SEPHS1: variants seen among roughly 807,000 people sequenced by gnomAD.
SEPHS1 encodes the protein selenophosphate synthetase 1.
SEPHS1 carries 7 observed loss-of-function variants against 39.2 expected under a neutral mutation model. The ratio of observed to expected loss-of-function variants is 0.18; its 90% confidence interval spans 0.10 to 0.34. The LOEUF is 0.34. Among genes scored for constraint, SEPHS1 ranks in the 10% least tolerant of loss-of-function variants. The probability of loss-of-function intolerance (pLI) is 1.00; values close to 1 mark genes in which losing one functional copy is unlikely to be tolerated. For missense variants in SEPHS1, 253 were observed against 514.5 expected (o/e 0.49, Z 4.92); for synonymous variants, 190 against 195.5 (o/e 0.97, Z 0.23).
In SEPHS1 at chr10:13,344,896, G is replaced by A. The variant is rs1327907950; in HGVS notation, c.55C>T (p.Arg19Trp). 1 of 1,602,486 alleles carries A rather than the reference G, an allele frequency of 6.2e-7. No individual in the cohort carries two copies. The highest frequency in any genetic ancestry group is 1.7e-5 in the Admixed American group (1 of 58,568). ...PESYELDKSFRLTRFTELKGT... is the reference protein window; with the variant it reads ...PESYELDKSFWLTRFTELKGT... ...TTCAGTTCAGTGAATCTGGTTAGCC[G>A]GAAGCTTTTGTCCAATTCGTAACTT... The change falls in exon 2 of 9, where the codon CGG becomes TGG. Residue 19 changes from arginine (R) to tryptophan (W), a missense_variant. Arg to Trp is a moderately radical substitution (Grantham distance 101). Transcript: ENST00000327347.
rs931484629 is a variant in SEPHS1 at position 13,317,725 on chromosome 10, G to A, written c.*1417C>T. 3 of 152,172 alleles carry A rather than the reference G, an allele frequency of 2.0e-5. No homozygotes were observed. The highest frequency in any genetic ancestry group is 2.0e-4 in the Admixed American group (3 of 15,264). The allele number at this position is 152,172 out of a possible 1,614,324, so 9.4% of individuals were successfully genotyped here. A position where few individuals can be genotyped will look rare whatever the true frequency, so the allele number is the denominator to read the frequency against. ...AAGTCAGTTTACATGTGCAGCTTTG[G>A]TGCCTGTGAGCAGAAAGCACCAGAA... On this transcript the variant is annotated 3_prime_UTR_variant, in exon 9 of 9. Coordinates refer to ENST00000327347, the MANE Select transcript of SEPHS1 (RefSeq NM_012247.5).
chr10:13,331,689 C>A (rs1166991995), intron 5 of SEPHS1, among the ~76,000 whole-genome samples: 1 of 152,160 alleles, frequency 6.6e-6, no homozygotes, highest in Non-Finnish European at 1.5e-5. Context: ...GGCCAAAAGA[C>A]TGACTTTTCT....
intron 1 of SEPHS1, among the ~76,000 whole-genome samples, chr10:13,345,977 C>T (rs1423245100): frequency 6.6e-6 from 1 of 152,256 alleles, no homozygotes; most frequent in Non-Finnish European, 1.5e-5. Flanking sequence ...ACAGTAAGGT[C>T]TGTGTTCTTC....
chr10:13,328,271 GA>G, intron 7 of SEPHS1, 79 bp downstream of exon 7: 4 of 978,598 alleles, frequency 4.1e-6, no homozygotes, highest in Non-Finnish European at 6.4e-6. Context: ...CCTACCCTGA[GA>G]CAGTATGTGG....
intron 8 of SEPHS1, among the ~76,000 whole-genome samples, 155 bp from the exon 9 acceptor site, chr10:13,319,511 C>T (rs1833039113): frequency 6.6e-6 from 1 of 152,126 alleles, no homozygotes; most frequent in Admixed American, 6.6e-5. Context: ...TTTTTTGAGA[C>T]AGGGTCTCAC....
intron 8 of SEPHS1, 88 bp from the exon 9 acceptor site, chr10:13,319,444 T>C (rs1342833722): frequency 1.5e-6 from 2 of 1,377,040 alleles, no homozygotes; most frequent in African/African-American, 2.9e-5. Flanking sequence ...CCAACTTCCA[T>C]CAACAACTTG....
rs1312818818 is a variant in SEPHS1 at position 13,333,829 on chromosome 10, T to C, written c.548A>G (p.Asn183Ser). 1.2e-5 allele frequency: 20 copies of C among 1,613,000 alleles called. No homozygotes were observed. The highest frequency in any genetic ancestry group is 4.0e-5 in the African/African-American group (3 of 74,834). ...AAAATCAACTTACATGATAAATTCATTGGGTTGGCAGACAGTGGTAGCCAC... is the reference window on the plus strand; with the variant it reads ...AAAATCAACTTACATGATAAATTCACTGGGTTGGCAGACAGTGGTAGCCAC... Reference protein sequence around the residue: ...GGVATTVCQPNEFIMPDNAVP... With the variant: ...GGVATTVCQPSEFIMPDNAVP... The change falls in exon 5 of 9, where the codon AAT (asparagine) becomes AGT (serine). Residue 183 changes from asparagine to serine, a missense_variant. Coordinates refer to ENST00000327347, the MANE Select transcript of SEPHS1 (RefSeq NM_012247.5).
chr10:13,322,743 T>TG, intron 8 of SEPHS1, 92 bp downstream of exon 8: 1 of 1,203,820 alleles, frequency 8.3e-7, no homozygotes, highest in Non-Finnish European at 1.2e-6. Context: ...TCGAACAGAG[T>TG]GGGGGCCCAC....
chr10:13,330,353 G>T (rs1009170108), intron 5 of SEPHS1, among the ~76,000 whole-genome samples: 2 of 152,152 alleles, frequency 1.3e-5, no homozygotes, highest in South Asian at 4.1e-4. Flanking sequence ...TAATGTCTTG[G>T]TGATTTCTGC....
intron 7 of SEPHS1, among the ~76,000 whole-genome samples, chr10:13,326,037 A>C (rs959314198): frequency 1.3e-5 from 2 of 152,030 alleles, no homozygotes; most frequent in East Asian, 1.9e-4. Context: ...AAAACACACT[A>C]AACATTCATT....
At chr10:13,346,824 T>C (rs548668963) in intron 1 of SEPHS1, among the ~76,000 whole-genome samples, 1 of 152,304 alleles carries the variant, frequency 6.6e-6, no homozygotes, top group African/African-American at 2.4e-5. Context: ...AGGGGAATTG[T>C]GTGGCTATCA....
At position 13,318,958 on chromosome 10, in the gene SEPHS1, G is replaced by A. The variant is rs1356347817; in HGVS notation, c.*184C>T. 6.7e-6 allele frequency: 4 copies of A among 599,156 alleles called. No individual in the cohort carries two copies. In the African/African-American group the frequency reaches 7.6e-5, roughly 11 times the overall value. 37.1% of individuals were successfully genotyped at this position (599,156 alleles called of 1,614,324 possible). A position where few individuals can be genotyped will look rare whatever the true frequency, so the allele number is the denominator to read the frequency against. On this transcript the variant is annotated 3_prime_UTR_variant, in exon 9 of 9. Transcript: ENST00000327347. ...TGCCTCAAGATTAGGTGCATCTTCA[G>A]TTAATGTAACAGGAAAAAAAGGCAA...
At chr10:13,345,152 T>C in intron 1 of SEPHS1, 124 bp from the exon 2 acceptor site, 1 of 436,170 alleles carries the variant, frequency 2.3e-6, no homozygotes, top group Non-Finnish European at 4.1e-6. Context: ...CAAGACCACT[T>C]ATATTCACCA....
chr10:13,348,220 T>A lies in SEPHS1; in HGVS notation c.-299A>T, dbSNP rs977046134. 1 of 144,222 alleles carries A rather than the reference T, an allele frequency of 6.9e-6. No individual in the cohort carries two copies. The highest frequency in any genetic ancestry group is 2.5e-5 in the African/African-American group (1 of 39,696). 8.9% of individuals were successfully genotyped at this position (144,222 alleles called of 1,614,324 possible). A position where few individuals can be genotyped will look rare whatever the true frequency, so the allele number is the denominator to read the frequency against. On this transcript the variant is annotated 5_prime_UTR_variant, in exon 1 of 9. Coordinates refer to ENST00000327347, the MANE Select transcript of SEPHS1 (RefSeq NM_012247.5). ...GCCGGGCCGCCGCGCTCCCGCCGGC[T>A]GGGCGCGCGGGGGTCCTTTAAGGCC...
intron 2 of SEPHS1, among the ~76,000 whole-genome samples, chr10:13,343,871 C>A (rs1588550417): frequency 1.3e-5 from 2 of 152,126 alleles, no homozygotes; most frequent in East Asian, 3.9e-4. Context: ...ATCCAAACCT[C>A]CGAAACTATG....
At chr10:13,328,485 G>C in intron 6 of SEPHS1, 35 bp from the exon 7 acceptor site, 2 of 1,419,092 alleles carry the variant, frequency 1.4e-6, no homozygotes, top group Non-Finnish European at 2.0e-6. Flanking sequence ...GAGAGAAAGA[G>C]AGGAAAATGT....
At chr10:13,325,713 A>G (rs1473037887) in intron 7 of SEPHS1, among the ~76,000 whole-genome samples, 1 of 152,026 alleles carries the variant, frequency 6.6e-6, no homozygotes, top group Non-Finnish European at 1.5e-5. Flanking sequence ...CCTGACCAAC[A>G]TGGTGAAACC....
intron 5 of SEPHS1, among the ~76,000 whole-genome samples, chr10:13,331,494 T>G (rs1833468059): frequency 6.6e-6 from 1 of 152,086 alleles, no homozygotes. Context: ...CAAACCACTC[T>G]CCTCAGTCTC....
rs956191093 is a variant in SEPHS1, at chr10:13,348,221, G to T, written c.-300C>A. On this transcript the variant is annotated 5_prime_UTR_variant, in exon 1 of 9. Transcript: ENST00000327347. ...CCGGGCCGCCGCGCTCCCGCCGGCT[G>T]GGCGCGCGGGGGTCCTTTAAGGCCG... 1 of 146,620 alleles carries T rather than the reference G, an allele frequency of 6.8e-6. No individual in the cohort carries two copies. Among genetic ancestry groups the T allele is most frequent in the Non-Finnish European group, 1.5e-5 (1 of 66,180 alleles). The allele number at this position is 146,620 out of a possible 1,614,324, so 9.1% of individuals were successfully genotyped here.
Sources: allele counts gnomAD v4.1 joint callset (sites outside exome capture counted in the v4.1 genomes callset), GRCh38; gene constraint gnomAD v4.1.1; transcripts MANE v1.5; gene names NCBI Gene and HGNC (gene_info 2026-07-23, HGNC 2026-07-21).